INPP4B: variants seen among roughly 807,000 people sequenced by gnomAD.
INPP4B encodes inositol polyphosphate-4-phosphatase type II B, also known as inositol polyphosphate 4-phosphatase type II.
A neutral mutation model predicts 122.5 loss-of-function variants in INPP4B; 55 were observed. The ratio of observed to expected loss-of-function variants is 0.45; its 90% CI spans 0.36 to 0.56. The LOEUF (loss-of-function observed/expected upper bound fraction) is 0.56. INPP4B is among the 20% of genes least tolerant of loss of function. The pLI is 0.00. For synonymous variants in INPP4B, 403 were observed against 388.7 expected, an observed-to-expected ratio of 1.04 and a Z score of -0.43; for missense variants, 1,000 against 1,097.7, an observed-to-expected ratio of 0.91 and a Z score of 1.26.
At chr4:142,092,962 G>C (rs1780227193) in intron 23 of INPP4B, among the ~76,000 whole-genome samples, 1 of 152,108 alleles carries the variant, frequency 6.6e-6, no homozygotes, top group South Asian at 2.1e-4. Flanking sequence ...GTTGAATCTG[G>C]GTGGGCTTCT....
chr4:142,473,969 C>T (rs1198639712), intron 2 of INPP4B, among the ~76,000 whole-genome samples: 1 of 151,848 alleles, frequency 6.6e-6, no homozygotes, highest in East Asian at 1.9e-4. Flanking sequence ...GTCTAGTGCT[C>T]CTGCTTCTGT....
At chr4:142,214,340 T>C (rs1364676861) in intron 12 of INPP4B, among the ~76,000 whole-genome samples, 5 of 152,184 alleles carry the variant, frequency 3.3e-5, no homozygotes, top group African/African-American at 1.2e-4. Flanking sequence ...ACAGACACTT[T>C]CAGCCCCATT....
At chr4:142,519,895 G>T (rs543046828) in intron 2 of INPP4B, among the ~76,000 whole-genome samples, 41 of 152,052 alleles carry the variant, frequency 2.7e-4, no homozygotes, top group African/African-American at 7.5e-4. Flanking sequence ...AAAACTTTTG[G>T]ATACCTGAAT....
intron 2 of INPP4B, among the ~76,000 whole-genome samples, chr4:142,568,623 G>T (rs1299943643): frequency 1.3e-5 from 2 of 151,998 alleles, no homozygotes; most frequent in South Asian, 2.1e-4. Flanking sequence ...ACTGTGACAA[G>T]TCTCAAAATA....
At chr4:142,287,909 G>A (rs1163037396) in intron 9 of INPP4B, among the ~76,000 whole-genome samples, 1 of 152,194 alleles carries the variant, frequency 6.6e-6, no homozygotes, top group Non-Finnish European at 1.5e-5. Flanking sequence ...GCTCAGCAGA[G>A]TTGGGTTCTG....
chr4:142,356,035 C>T (rs978781954), intron 7 of INPP4B, among the ~76,000 whole-genome samples: 7 of 151,408 alleles, frequency 4.6e-5, no homozygotes, highest in Admixed American at 6.6e-5. Flanking sequence ...GTTTTATCCT[C>T]CCCAAATCTT....
intron 25 of INPP4B, among the ~76,000 whole-genome samples, chr4:142,055,399 A>G (rs1489924550): frequency 6.6e-6 from 1 of 152,100 alleles, no homozygotes; most frequent in Non-Finnish European, 1.5e-5. Context: ...AGCTATGGTA[A>G]ATATAATCAT....
At chr4:142,676,016 G>T (rs1757710764) in intron 2 of INPP4B, among the ~76,000 whole-genome samples, 1 of 152,196 alleles carries the variant, frequency 6.6e-6, no homozygotes, top group Non-Finnish European at 1.5e-5. Context: ...GCAAGAGAAA[G>T]AAATAAATGG....
intron 25 of INPP4B, among the ~76,000 whole-genome samples, chr4:142,042,565 T>C (rs1399395417): frequency 9.3e-5 from 10 of 107,710 alleles, no homozygotes; most frequent in Non-Finnish European, 2.2e-4. Flanking sequence ...TATGTATTTA[T>C]TTATTTATTT....
At chr4:142,341,554 A>G (rs537895481) in intron 7 of INPP4B, among the ~76,000 whole-genome samples, 7 of 152,260 alleles carry the variant, frequency 4.6e-5, no homozygotes, top group Non-Finnish European at 8.8e-5. Context: ...CCCGTTTTGT[A>G]TAATTTCCTG....
chr4:142,586,342 A>G (rs1361221323), intron 2 of INPP4B, among the ~76,000 whole-genome samples: 1 of 152,000 alleles, frequency 6.6e-6, no homozygotes, highest in Non-Finnish European at 1.5e-5. Context: ...AAACAACAAC[A>G]ACAACGACAA....
intron 2 of INPP4B, among the ~76,000 whole-genome samples, chr4:142,525,001 C>T (rs1188726321): frequency 2.6e-5 from 4 of 151,972 alleles, no homozygotes; most frequent in Non-Finnish European, 5.9e-5. Context: ...ATTGTCTCAG[C>T]CCAAAATCTC....
chr4:142,282,466 T>C (rs953657890), intron 9 of INPP4B, among the ~76,000 whole-genome samples: 2 of 152,256 alleles, frequency 1.3e-5, no homozygotes, highest in African/African-American at 4.8e-5. Context: ...ACAGTTTCTA[T>C]AAATCAAAAG....
At chr4:142,382,100 T>A (rs1270492292) in intron 7 of INPP4B, among the ~76,000 whole-genome samples, 1 of 152,200 alleles carries the variant, frequency 6.6e-6, no homozygotes, top group African/African-American at 2.4e-5. Context: ...GAGATTTTAT[T>A]TAAAATTATG....
chr4:142,173,147 C>T (rs146658161), intron 16 of INPP4B, among the ~76,000 whole-genome samples: 359 of 151,868 alleles, frequency 2.4e-3, no homozygotes, highest in Non-Finnish European at 4.3e-3. Flanking sequence ...AACCTCTCCT[C>T]GGTAAATAAA....
rs533521742 is a variant in INPP4B at position 142,333,226 on chromosome 4, G to A, written c.373-18464C>T. ...TTTTCCTGATCCTTAAAACGAGATT[G>A]TTGTATCAGCAGCACTGGAATCATT... On this transcript the variant is annotated intron_variant, in intron 7 of 25. Transcript: ENST00000262992. 7.1e-4 allele frequency among the ~76,000 whole-genome samples: 108 copies of A among 152,224 alleles called. 1 individual carries two copies. Among genetic ancestry groups the A allele is most frequent in the Admixed American group, 4.4e-3 (67 of 15,290 alleles).
chr4:142,468,100 C>A (rs567506752), intron 2 of INPP4B: 1 of 152,096 alleles, frequency 6.6e-6, no homozygotes, highest in South Asian at 2.1e-4. Context: ...TTATAAATTA[C>A]CCAGCTCCGA....
At chr4:142,698,347 T>A (rs1260870008) in intron 2 of INPP4B, among the ~76,000 whole-genome samples, 1 of 151,808 alleles carries the variant, frequency 6.6e-6, no homozygotes, top group Non-Finnish European at 1.5e-5. Context: ...AAAGGGTAGG[T>A]CACCATTTCT....
chr4:142,221,862 T>A (rs1202442259), intron 12 of INPP4B, among the ~76,000 whole-genome samples: 3 of 152,214 alleles, frequency 2.0e-5, no homozygotes, highest in Admixed American at 2.0e-4. Flanking sequence ...ATGTGGCAAG[T>A]GACTATGGTA....
Sources: allele counts gnomAD v4.1 joint callset (sites outside exome capture counted in the v4.1 genomes callset), GRCh38; gene constraint gnomAD v4.1.1; transcripts MANE v1.5; gene names NCBI Gene and HGNC (gene_info 2026-07-23, HGNC 2026-07-21).